Variants in C2orf69 observed in about 807,000 individuals in gnomAD.
C2orf69 encodes the protein mitochondrial protein C2orf69.
A neutral mutation model predicts 29.5 loss-of-function variants in C2orf69; 19 were observed. The ratio of observed to expected loss-of-function variants is 0.65; its 90% CI spans 0.45 to 0.95. C2orf69 has a LOEUF of 0.95. Ranked by LOEUF, C2orf69 falls within the 40% of genes least tolerant of loss-of-function variation. The pLI, the probability that C2orf69 is intolerant of heterozygous loss-of-function variation, is 0.00. For missense variants in C2orf69, 416 were observed against 482.1 expected, an observed-to-expected ratio of 0.86 and a Z score of 1.28; for synonymous variants, 194 against 180.0, an observed-to-expected ratio of 1.08 and a Z score of -0.62.
chr2:199,913,171 T>A (rs2077274605), intron 1 of C2orf69, among the ~76,000 whole-genome samples: 1 of 116,914 alleles, frequency 8.6e-6, no homozygotes, highest in South Asian at 2.3e-4. Flanking sequence ...TATATATATA[T>A]TATATATAAA....
Position 199,926,187 on chromosome 2 carries a change from G to C in C2orf69, c.*301G>C, listed in dbSNP as rs772697755. ...AAGTTACAACATTGTTCTTATAAAAGGTAACTAAAATTGTTACTGTTGGAA... is the reference window on the plus strand; with the variant it reads ...AAGTTACAACATTGTTCTTATAAAACGTAACTAAAATTGTTACTGTTGGAA... On this transcript the variant is annotated 3_prime_UTR_variant, in exon 2 of 2. Coordinates refer to ENST00000319974, the MANE Select transcript of C2orf69 (RefSeq NM_153689.6). 1.2e-5 allele frequency: 3 copies of C among 242,234 alleles called. No homozygotes were observed. The highest frequency in any genetic ancestry group is 2.4e-5 in the Non-Finnish European group (3 of 125,536). The allele number at this position is 242,234 out of a possible 1,614,324, so 15.0% of individuals were successfully genotyped here.
At position 199,911,474 on chromosome 2, in the gene C2orf69, G is replaced by C. The variant is rs771430930; in HGVS notation, c.36G>C (p.Leu12Phe). ...WGFRLLRSPP[L>F]LLLLPQLGIG... ...TCAGGCTCCTGCGGTCGCCGCCGTT[G>C]CTGCTCCTGCTGCCGCAGCTCGGAA... Residue 12 changes from leucine to phenylalanine, a missense_variant, in exon 1 of 2, where the codon TTG (leucine) becomes TTC (phenylalanine). Leu to Phe is a conservative substitution (Grantham distance 22). This residue lies in a region of C2orf69 where 175 missense variants were observed against 139.9 expected (regional missense o/e 1.25). Transcript: ENST00000319974. 14 of 1,545,844 alleles carry C rather than the reference G, an allele frequency of 9.1e-6. No homozygotes were observed. The highest frequency in any genetic ancestry group is 1.4e-5 in the African/African-American group (1 of 72,622).
At chr2:199,914,158 TTTCCTCTGTCTGTG>T (rs932917051) in intron 1 of C2orf69, among the ~76,000 whole-genome samples, 5 of 152,214 alleles carry the variant, frequency 3.3e-5, no homozygotes, top group Non-Finnish European at 7.3e-5. Flanking sequence ...TTCTTCCATG[TTTCCTCTGTCTGTG>T]TTCACTCCCT....
At position 199,911,609 on chromosome 2, in the gene C2orf69, T is replaced by G. The variant is rs1559290485; in HGVS notation, c.171T>G (p.Leu57=). 2 of 1,549,636 alleles carry G rather than the reference T, an allele frequency of 1.3e-6. No homozygotes were observed. The highest frequency in any genetic ancestry group is 1.7e-6 in the Non-Finnish European group (2 of 1,146,600). Residue 57 remains leucine (L), a synonymous_variant, in exon 1 of 2, where the codon CTT becomes CTG. Transcript: ENST00000319974. ...AEVRRRQCLQ[L]STVPGADPQR... ...TGCGCCGCCGTCAGTGCCTGCAGCT[T>G]TCCACCGTGCCTGGAGCCGATCCGC...
intron 1 of C2orf69, among the ~76,000 whole-genome samples, chr2:199,919,735 C>T (rs1300350708): frequency 6.6e-6 from 1 of 152,164 alleles, no homozygotes; most frequent in African/African-American, 2.4e-5. Flanking sequence ...CCCTTGTGAC[C>T]TAATCACCTC....
Position 199,922,274 on chromosome 2 carries a change from G to T in C2orf69, c.334-2788G>T, listed in dbSNP as rs537500867. On this transcript the variant is annotated intron_variant, in intron 1 of 1. Transcript: ENST00000319974. The stretch of plus-strand genomic sequence containing the variant: ...CCACACCCTGCCAATTTTTGTTGTT[G>T]TTGTTTTTTGTAGAGACAGGATTTC... Among the ~76,000 whole-genome samples, 113 of 151,606 alleles carry T rather than the reference G, an allele frequency of 7.5e-4. No individual in the cohort carries two copies. In the Middle Eastern group the frequency reaches 0.01, roughly 14 times the overall value.
At chr2:199,915,601 G>T (rs2077289900) in intron 1 of C2orf69, among the ~76,000 whole-genome samples, 1 of 151,164 alleles carries the variant, frequency 6.6e-6, no homozygotes, top group Non-Finnish European at 1.5e-5. Context: ...CCACCTCCCA[G>T]GCTCAAGCGA....
intron 1 of C2orf69, among the ~76,000 whole-genome samples, chr2:199,919,415 G>T (rs2077305604): frequency 6.6e-6 from 1 of 152,232 alleles, no homozygotes; most frequent in Admixed American, 6.5e-5. Context: ...CATGCCCTAA[G>T]TGGTGTCTCC....
In C2orf69 at chr2:199,912,056, G is replaced by A. The variant is rs2077265462; in HGVS notation, c.333+285G>A. On this transcript the variant is annotated intron_variant, in intron 1 of 1. Coordinates refer to ENST00000319974, the MANE Select transcript of C2orf69 (RefSeq NM_153689.6). ...TTTCCAAGAGGCGGAATTTGAGACA[G>A]GGAGTGACACGCATCTTGTATATTT... is the stretch of plus-strand genomic sequence containing the variant. Among the ~76,000 whole-genome samples, 4 of 152,222 alleles carry A rather than the reference G, an allele frequency of 2.6e-5. No individual in the cohort carries two copies. In the South Asian group the frequency reaches 8.3e-4, roughly 32 times the overall value.
rs927394515 is a variant in C2orf69, at chr2:199,927,736, T to G, written c.*1850T>G. The G allele has an allele frequency of 2.6e-5, 4 of 152,244 alleles. No individual in the cohort carries two copies. The highest frequency in any genetic ancestry group is 9.6e-5 in the African/African-American group (4 of 41,574). 9.4% of individuals were successfully genotyped at this position (152,244 alleles called of 1,614,324 possible). A position where few individuals can be genotyped will look rare whatever the true frequency, so the allele number is the denominator to read the frequency against. ...ATGATTGGATGGCTTTTTTTCTATT[T>G]GTTTAATAATCCTTGGCTAAATTCA... On this transcript the variant is annotated 3_prime_UTR_variant, in exon 2 of 2. Coordinates refer to ENST00000319974, the MANE Select transcript of C2orf69 (RefSeq NM_153689.6).
chr2:199,914,532 C>T (rs1483757003), intron 1 of C2orf69, among the ~76,000 whole-genome samples: 1 of 152,048 alleles, frequency 6.6e-6, no homozygotes, highest in Non-Finnish European at 1.5e-5. Flanking sequence ...CAAATCATTC[C>T]ACGTCTGCTC....
At chr2:199,912,131 G>A (rs991525440) in intron 1 of C2orf69, among the ~76,000 whole-genome samples, 2 of 152,186 alleles carry the variant, frequency 1.3e-5, no homozygotes, top group South Asian at 4.1e-4. Flanking sequence ...TTGGGCAGGG[G>A]ACAGAGCGAT....
rs1162523390 is a variant in C2orf69, at chr2:199,911,434, G to T, written c.-5G>T. ...ACCTCCGAACCGCTCTCGCGGCGGC[G>T]ACCCATGTGGGGGTTCAGGCTCCTG... On this transcript the variant is annotated 5_prime_UTR_variant, in exon 1 of 2. Coordinates refer to ENST00000319974, the MANE Select transcript of C2orf69 (RefSeq NM_153689.6). 3 of 1,512,764 alleles carry T rather than the reference G, an allele frequency of 2.0e-6. No individual in the cohort carries two copies. In the East Asian group the frequency reaches 7.6e-5, roughly 38 times the overall value. The allele number at this position is 1,512,764 out of a possible 1,614,324, so 93.7% of individuals were successfully genotyped here. A position where few individuals can be genotyped will look rare whatever the true frequency, so the allele number is the denominator to read the frequency against.
At chr2:199,918,268 T>C (rs930290431) in intron 1 of C2orf69, among the ~76,000 whole-genome samples, 5 of 152,214 alleles carry the variant, frequency 3.3e-5, no homozygotes, top group African/African-American at 1.2e-4. Context: ...TCAAGATTTT[T>C]TTAAAGTAGG....
chr2:199,925,460 T>G lies in C2orf69; in HGVS notation c.732T>G (p.Ser244=), dbSNP rs2077332082. 3 of 1,613,840 alleles carry G rather than the reference T, an allele frequency of 1.9e-6. 1 individual carries two copies. In the South Asian group the frequency reaches 3.3e-5, roughly 18 times the overall value. ...KVRTCEKSDE[S]AMSFYPPSLN... ...GGACCTGTGAAAAATCTGATGAGTC[T>G]GCCATGAGTTTTTATCCACCATCAC... Residue 244 remains serine (S), a synonymous_variant, in exon 2 of 2, where the codon TCT becomes TCG. Transcript: ENST00000319974. The surrounding 1 kb of genome is among the most constrained non-coding windows in gnomAD (Gnocchi z 4.9).
chr2:199,923,314 C>T (rs1012678817), intron 1 of C2orf69, among the ~76,000 whole-genome samples: 1 of 152,160 alleles, frequency 6.6e-6, no homozygotes. Flanking sequence ...TTTGAACTGT[C>T]CAGTATCGTA....
intron 1 of C2orf69, among the ~76,000 whole-genome samples, chr2:199,912,207 C>G (rs1281014999): frequency 6.6e-6 from 1 of 152,146 alleles, no homozygotes; most frequent in East Asian, 1.9e-4. Context: ...ACCAAACAAA[C>G]ATTACAAAGG....
chr2:199,922,423 G>T (rs2077320678), intron 1 of C2orf69, among the ~76,000 whole-genome samples: 1 of 152,036 alleles, frequency 6.6e-6, no homozygotes, highest in African/African-American at 2.4e-5. Context: ...ACAAATGGTT[G>T]CATAGTGTAC....
chr2:199,911,865 TC>T, intron 1 of C2orf69, 94 bp downstream of exon 1: 1 of 1,506,122 alleles, frequency 6.6e-7, no homozygotes, highest in South Asian at 1.2e-5. Context: ...CTGGTTCCTT[TC>T]CTTGCCTGAA....
Sources: gnomAD v4.1 joint callset for allele counts (sites outside exome capture counted in the v4.1 genomes callset) on GRCh38, gnomAD v4.1.1 for gene constraint, gnomAD v4.1.1 regional missense constraint, Gnocchi (gnomAD v3.1) non-coding constraint, MANE v1.5 for transcripts, NCBI Gene and HGNC (gene_info 2026-07-23, HGNC 2026-07-21) for gene names.